USP49: variants seen among roughly 807,000 people sequenced by gnomAD.
USP49 encodes ubiquitin carboxyl-terminal hydrolase 49.
USP49 carries 24 observed loss-of-function variants against 58.6 expected under a neutral mutation model. That is an observed-to-expected ratio of 0.41 (90% CI 0.30 to 0.58). USP49 has a LOEUF of 0.58. Among genes scored for constraint, USP49 ranks in the 20% least tolerant of loss-of-function variants. USP49 has a pLI of 0.30. For missense variants in USP49, 703 were observed against 866.1 expected (o/e 0.81, Z 2.36); for synonymous variants, 408 against 365.1 (o/e 1.12, Z -1.34).
At position 41,806,135 on chromosome 6, in the gene USP49, G is replaced by T. The variant is rs1313058600; in HGVS notation, c.849C>A (p.Asn283Lys). The stretch of plus-strand genomic sequence containing the variant: ...GATGTTCCGTTTTGGAAGGGTCAAG[G>T]TTGAGGAAACATTCTCGGAACTTCT... ...HLQKFRECFLNLDPSKTEHLF... is the reference protein window; with the variant it reads ...HLQKFRECFLKLDPSKTEHLF... The change falls in exon 4 of 8, where the codon AAC becomes AAA. Residue 283 changes from asparagine (N) to lysine (K), a missense_variant. This residue lies in a region of USP49 where 97 missense variants were observed against 88.0 expected (regional missense o/e 1.10). Transcript: ENST00000682992. This position sits in a 1 kb window ranked among gnomAD's most constrained non-coding sequence, Gnocchi z 5.9. The T allele has an allele frequency of 6.2e-7, 1 of 1,613,854 alleles. No homozygotes were observed. Among genetic ancestry groups the T allele is most frequent in the Non-Finnish European group, 8.5e-7 (1 of 1,180,048 alleles).
At chr6:41,848,400 G>A (rs745492775) in intron 3 of USP49, among the ~76,000 whole-genome samples, 3 of 150,554 alleles carry the variant, frequency 2.0e-5, no homozygotes, top group African/African-American at 5.0e-5. Context: ...AGGCTCGCAC[G>A]CTGTTACCCA....
intron 3 of USP49, among the ~76,000 whole-genome samples, chr6:41,808,440 T>C (rs553567730): frequency 1.5e-4 from 22 of 141,954 alleles, no homozygotes; most frequent in Admixed American, 1.5e-3. Context: ...AGATGGAGTC[T>C]CGCTCTGTCA....
chr6:41,893,551 A>G (rs896703477), intron 1 of USP49, among the ~76,000 whole-genome samples: 1 of 152,200 alleles, frequency 6.6e-6, no homozygotes, highest in Non-Finnish European at 1.5e-5. Flanking sequence ...ACACTCCTAC[A>G]ACACTAAAAC....
chr6:41,855,373 G>T (rs1048121452), intron 3 of USP49, among the ~76,000 whole-genome samples: 1 of 151,460 alleles, frequency 6.6e-6, no homozygotes, highest in Admixed American at 6.6e-5. Context: ...AAATTAGCCA[G>T]GAGCGGTGGT....
intron 3 of USP49, among the ~76,000 whole-genome samples, chr6:41,833,285 G>A (rs1773669133): frequency 6.6e-6 from 1 of 151,902 alleles, no homozygotes; most frequent in African/African-American, 2.4e-5. Flanking sequence ...CAAAATGCTG[G>A]GATTACAGGT....
chr6:41,843,676 G>A (rs1773868309), intron 3 of USP49, among the ~76,000 whole-genome samples: 1 of 152,154 alleles, frequency 6.6e-6, no homozygotes, highest in South Asian at 2.1e-4. Context: ...GGGAGGCTAA[G>A]GCGGGCGGAG....
At chr6:41,823,071 C>T (rs1217420391) in intron 3 of USP49, among the ~76,000 whole-genome samples, 2 of 152,064 alleles carry the variant, frequency 1.3e-5, no homozygotes, top group Admixed American at 6.5e-5. Context: ...ATATGTACAA[C>T]AACTCAAAAT....
intron 3 of USP49, among the ~76,000 whole-genome samples, chr6:41,823,431 CT>C (rs1406050537): frequency 6.6e-6 from 1 of 152,152 alleles, no homozygotes. Flanking sequence ...AATCTGGTAT[CT>C]ATGGTATATA....
intron 2 of USP49, among the ~76,000 whole-genome samples, chr6:41,874,806 T>C (rs1774474498): frequency 6.6e-6 from 1 of 152,234 alleles, no homozygotes; most frequent in East Asian, 1.9e-4. Context: ...CTACAAAAAA[T>C]AATTTGCTGT....
rs34663718 is a variant in USP49, at chr6:41,865,916, CTTTTTTTTTT to C, written c.-29+5638_-29+5647del. Among the ~76,000 whole-genome samples, 100 of 65,390 alleles carry C rather than the reference CTTTTTTTTTT, an allele frequency of 1.5e-3. 1 individual carries two copies. The highest frequency in any genetic ancestry group is 6.4e-3 in the African/African-American group (97 of 15,150). 42.9% of individuals were successfully genotyped at this position (65,390 alleles called of 152,430 possible). On this transcript the variant is annotated intron_variant, in intron 3 of 7. Transcript: ENST00000682992. ...ACCTCAGCCTTCCAAAGCATGGTGCCTTTTTTTTTTTTTTTTTTTTTTTTTAGACAGAGTC... is the reference window on the plus strand; with the variant it reads ...ACCTCAGCCTTCCAAAGCATGGTGCCTTTTTTTTTTTTTTTAGACAGAGTC...
Position 41,795,887 on chromosome 6 carries a change from A to C in USP49, c.*646T>G, listed in dbSNP as rs1273524226. 1 of 152,226 alleles carries C rather than the reference A, an allele frequency of 6.6e-6. No individual in the cohort carries two copies. Among genetic ancestry groups the C allele is most frequent in the Non-Finnish European group, 1.5e-5 (1 of 68,042 alleles). The allele number at this position is 152,226 out of a possible 1,614,324, so 9.4% of individuals were successfully genotyped here. A position where few individuals can be genotyped will look rare whatever the true frequency, so the allele number is the denominator to read the frequency against. Reference sequence around the variant, plus strand: ...CTCAGAAGTATGGAATGATTATATGACAGCAGCAAGTAGGGAGGGTATGAC... The same window carrying C: ...CTCAGAAGTATGGAATGATTATATGCCAGCAGCAAGTAGGGAGGGTATGAC... On this transcript the variant is annotated 3_prime_UTR_variant, in exon 8 of 8. Transcript: ENST00000682992.
chr6:41,839,661 G>C (rs1006958093), intron 3 of USP49, among the ~76,000 whole-genome samples: 50 of 152,204 alleles, frequency 3.3e-4, no homozygotes, highest in Admixed American at 1.2e-3. Context: ...CTACTACTCA[G>C]TCATAAAAAG....
intron 3 of USP49, among the ~76,000 whole-genome samples, chr6:41,827,429 G>A (rs1773558805): frequency 6.6e-6 from 1 of 152,146 alleles, no homozygotes; most frequent in Admixed American, 6.5e-5. Context: ...GGAGGCCGAG[G>A]CGGATGGATC....
At chr6:41,844,871 TG>T (rs761796074) in intron 3 of USP49, among the ~76,000 whole-genome samples, 25 of 152,152 alleles carry the variant, frequency 1.6e-4, no homozygotes, top group Non-Finnish European at 3.4e-4. Flanking sequence ...AAGTAGCTTA[TG>T]AAGATTTCTG....
intron 2 of USP49, among the ~76,000 whole-genome samples, chr6:41,890,274 G>T (rs1774788881): frequency 6.6e-6 from 1 of 151,674 alleles, no homozygotes; most frequent in African/African-American, 2.4e-5. Context: ...AGCTACTAGG[G>T]AGGCTGAGGC....
chr6:41,839,055 G>C (rs9394834), intron 3 of USP49, among the ~76,000 whole-genome samples: 1 of 151,858 alleles, frequency 6.6e-6, no homozygotes, highest in African/African-American at 2.4e-5. Context: ...TAAACCCCTG[G>C]GACATAGCAA....
intron 3 of USP49, among the ~76,000 whole-genome samples, chr6:41,835,136 C>G (rs1236806954): frequency 6.6e-6 from 1 of 152,168 alleles, no homozygotes; most frequent in Non-Finnish European, 1.5e-5. Context: ...AGCTTGCTTA[C>G]CACTGGGTGC....
intron 3 of USP49, chr6:41,868,961 A>G (rs776540307): frequency 1.3e-5 from 2 of 151,056 alleles, no homozygotes; most frequent in African/African-American, 2.4e-5. Flanking sequence ...ATGGGGTTTC[A>G]CCATATTGAT....
chr6:41,849,938 C>T (rs1773994435), intron 3 of USP49, among the ~76,000 whole-genome samples: 1 of 151,890 alleles, frequency 6.6e-6, no homozygotes, highest in Non-Finnish European at 1.5e-5. Flanking sequence ...TGAAATGAAA[C>T]TAGAAATCAA....
Sources: gnomAD v4.1 joint callset for allele counts (sites outside exome capture counted in the v4.1 genomes callset) on GRCh38, gnomAD v4.1.1 for gene constraint, gnomAD v4.1.1 regional missense constraint, Gnocchi (gnomAD v3.1) non-coding constraint, MANE v1.5 for transcripts, NCBI Gene and HGNC (gene_info 2026-07-23, HGNC 2026-07-21) for gene names.